The following SPSB1 variants were observed in gnomAD, a reference collection of about 807,000 sequenced individuals.
The protein encoded by SPSB1 is splA/ryanodine receptor domain and SOCS box containing 1, also known as SPRY domain-containing SOCS box protein 1.
SPSB1 carries 8 observed loss-of-function variants against 21.2 expected under a neutral mutation model. The ratio of observed to expected loss-of-function variants is 0.38; its 90% CI spans 0.22 to 0.68. SPSB1 has a LOEUF of 0.68. Among genes scored for constraint, SPSB1 ranks in the 30% least tolerant of loss-of-function variants. The pLI, the probability that SPSB1 is intolerant of heterozygous loss-of-function variation, is 0.53. For missense variants in SPSB1, 242 were observed against 377.8 expected (o/e 0.64, Z 2.98); for synonymous variants, 169 against 161.7 (o/e 1.05, Z -0.34).
chr1:9,368,357 A>T lies in SPSB1; in HGVS notation c.*782A>T, dbSNP rs1281992559. On this transcript the variant is annotated 3_prime_UTR_variant, in exon 3 of 3. Coordinates refer to ENST00000328089, the MANE Select transcript of SPSB1 (RefSeq NM_025106.4). ...TGTGCACACGTGCCCAGGCACAAGT[A>T]TGTCTCTGGGTCCCTTGCCCTGCAG... is the stretch of plus-strand genomic sequence containing the variant. 1 of 151,970 alleles carries T rather than the reference A, an allele frequency of 6.6e-6. No homozygotes were observed. Among genetic ancestry groups the T allele is most frequent in the East Asian group, 1.9e-4 (1 of 5,152 alleles). The allele number at this position is 151,970 out of a possible 1,614,324, so 9.4% of individuals were successfully genotyped here. A position where few individuals can be genotyped will look rare whatever the true frequency, so the allele number is the denominator to read the frequency against.
chr1:9,364,297 C>T (rs953035865), intron 2 of SPSB1, among the ~76,000 whole-genome samples: 1 of 152,266 alleles, frequency 6.6e-6, no homozygotes, highest in Non-Finnish European at 1.5e-5. Context: ...AAATTCCCCA[C>T]TCCTCTGTGC....
intron 1 of SPSB1, among the ~76,000 whole-genome samples, chr1:9,347,993 C>T (rs562062037): frequency 9.5e-5 from 14 of 147,328 alleles, no homozygotes; most frequent in African/African-American, 1.5e-4. Flanking sequence ...CGCCCAGGTT[C>T]GAGTGCAGTG....
chr1:9,341,377 T>G (rs1640088727), intron 1 of SPSB1, among the ~76,000 whole-genome samples: 1 of 152,210 alleles, frequency 6.6e-6, no homozygotes, highest in African/African-American at 2.4e-5. Flanking sequence ...TTGCACTCAT[T>G]GTTCAGATGA....
At chr1:9,352,465 G>A (rs1391122476) in intron 1 of SPSB1, among the ~76,000 whole-genome samples, 2 of 152,182 alleles carry the variant, frequency 1.3e-5, no homozygotes, top group African/African-American at 4.8e-5. Context: ...ACTCAGCCAC[G>A]CGCGTTTATT....
intron 1 of SPSB1, among the ~76,000 whole-genome samples, chr1:9,330,016 C>G (rs546563687): frequency 6.6e-6 from 1 of 152,260 alleles, no homozygotes; most frequent in South Asian, 2.1e-4. Context: ...TTGCAAAGAG[C>G]AAAAGGGAAA....
rs1464542782 is a variant in SPSB1, at chr1:9,348,486, G to A, written c.-149-7257G>A. ...AAGACAGGTGCCCTTCACCTGTCCC[G>A]GGTCTAGGACTCCCAAACAGTGCAC... On this transcript the variant is annotated intron_variant, in intron 1 of 2. Transcript: ENST00000328089. This position sits in a 1 kb window ranked among gnomAD's most constrained non-coding sequence, Gnocchi z 4.8. Among the ~76,000 whole-genome samples, 3 of 151,926 alleles carry A rather than the reference G, an allele frequency of 2.0e-5. No individual in the cohort carries two copies. Among genetic ancestry groups the A allele is most frequent in the Non-Finnish European group, 2.9e-5 (2 of 67,992 alleles).
At position 9,317,641 on chromosome 1, in the gene SPSB1, A is replaced by C. The variant is rs1007071799; in HGVS notation, c.-150+24570A>C. ...TGCACTACCACGCCCAGATATATAT[A>C]TATTTTTGTATTTTGTATTTTTTGT... On this transcript the variant is annotated intron_variant, in intron 1 of 2. Coordinates refer to ENST00000328089, the MANE Select transcript of SPSB1 (RefSeq NM_025106.4). This position sits in a 1 kb window ranked among gnomAD's most constrained non-coding sequence, Gnocchi z 4.3. Among the ~76,000 whole-genome samples, 4 of 151,858 alleles carry C rather than the reference A, an allele frequency of 2.6e-5. No homozygotes were observed. The highest frequency in any genetic ancestry group is 5.9e-5 in the Non-Finnish European group (4 of 67,982).
intron 1 of SPSB1, among the ~76,000 whole-genome samples, chr1:9,301,997 C>T (rs1639338064): frequency 6.6e-6 from 1 of 152,238 alleles, no homozygotes; most frequent in Non-Finnish European, 1.5e-5. Flanking sequence ...ACACCTTTCC[C>T]ACTGTCACGC....
intron 2 of SPSB1, among the ~76,000 whole-genome samples, chr1:9,359,788 A>G (rs1019515334): frequency 7.9e-6 from 1 of 126,552 alleles, no homozygotes; most frequent in African/African-American, 3.0e-5. Flanking sequence ...AGGCCAGGCC[A>G]GGGACGAGCC....
chr1:9,354,004 G>A (rs1031041682), intron 1 of SPSB1, among the ~76,000 whole-genome samples: 2 of 152,130 alleles, frequency 1.3e-5, no homozygotes, highest in Non-Finnish European at 2.9e-5. Flanking sequence ...GGGGGTCGGG[G>A]CACCAAGTGT....
chr1:9,366,025 A>G (rs1640565051), intron 2 of SPSB1, among the ~76,000 whole-genome samples: 1 of 152,114 alleles, frequency 6.6e-6, no homozygotes, highest in Non-Finnish European at 1.5e-5. Flanking sequence ...TGAGTTTCAG[A>G]CTCCTGAGAT....
chr1:9,316,163 G>A (rs1458948021), intron 1 of SPSB1, among the ~76,000 whole-genome samples: 1 of 152,306 alleles, frequency 6.6e-6, no homozygotes, highest in South Asian at 2.1e-4. Flanking sequence ...CTGGCAGGGG[G>A]TGGGGACCTG....
chr1:9,315,602 G>A (rs1484796159), intron 1 of SPSB1, among the ~76,000 whole-genome samples: 3 of 152,262 alleles, frequency 2.0e-5, no homozygotes, highest in African/African-American at 4.8e-5. Flanking sequence ...ACAGTGACAT[G>A]TGCATGGCAC....
intron 2 of SPSB1, among the ~76,000 whole-genome samples, chr1:9,357,028 A>G (rs1453849901): frequency 1.3e-5 from 2 of 151,580 alleles, no homozygotes; most frequent in African/African-American, 2.4e-5. Flanking sequence ...TGGATGGATG[A>G]GTGGATGAAC....
At chr1:9,360,942 G>A (rs983474640) in intron 2 of SPSB1, among the ~76,000 whole-genome samples, 4 of 152,082 alleles carry the variant, frequency 2.6e-5, no homozygotes, top group South Asian at 2.1e-4. Flanking sequence ...AGATGAGCCC[G>A]GAGCTCCATC....
intron 1 of SPSB1, among the ~76,000 whole-genome samples, chr1:9,328,841 G>A (rs931834693): frequency 3.3e-5 from 5 of 152,162 alleles, no homozygotes; most frequent in South Asian, 2.1e-4. Context: ...GGCTTGTGTC[G>A]GGCGTGGCTG....
chr1:9,304,623 G>A lies in SPSB1; in HGVS notation c.-150+11552G>A, dbSNP rs982250700. On this transcript the variant is annotated intron_variant, in intron 1 of 2. Transcript: ENST00000328089. Reference sequence around the variant, plus strand: ...GGGGTGTAGAGAAGGGTGAAGAATTGCAGGTGCCTCGGGTTCCCAGCTAGT... The same window carrying A: ...GGGGTGTAGAGAAGGGTGAAGAATTACAGGTGCCTCGGGTTCCCAGCTAGT... 2.0e-5 allele frequency among the ~76,000 whole-genome samples: 3 copies of A among 152,240 alleles called. No homozygotes were observed. In the East Asian group the frequency reaches 5.8e-4, roughly 29 times the overall value.
chr1:9,310,837 G>A (rs1639506458), intron 1 of SPSB1, among the ~76,000 whole-genome samples: 2 of 152,194 alleles, frequency 1.3e-5, no homozygotes, highest in Admixed American at 1.3e-4. Context: ...TAATGAGAAA[G>A]GTTGCCTTGC....
chr1:9,339,401 T>A, intron 1 of SPSB1: 1 of 727,516 alleles, frequency 1.4e-6, no homozygotes, highest in Non-Finnish European at 1.7e-6. Flanking sequence ...CCCAGGGTCC[T>A]CAGGTAATTC....
Sources: allele counts gnomAD v4.1 joint callset (sites outside exome capture counted in the v4.1 genomes callset), GRCh38; gene constraint gnomAD v4.1.1; non-coding constraint Gnocchi (gnomAD v3.1); transcripts MANE v1.5; gene names NCBI Gene and HGNC (gene_info 2026-07-23, HGNC 2026-07-21).